Variants in CDK5RAP1 observed in about 807,000 individuals in gnomAD.
The protein encoded by CDK5RAP1 is mitochondrial tRNA methylthiotransferase CDK5RAP1.
CDK5RAP1 carries 62 observed loss-of-function variants against 64.5 expected under a neutral mutation model. The ratio of observed to expected loss-of-function variants is 0.96; its 90% CI spans 0.78 to 1.19. CDK5RAP1 has a LOEUF of 1.19. Ranked by LOEUF, CDK5RAP1 falls within the 50% of genes most tolerant of loss-of-function variation. The probability of loss-of-function intolerance (pLI) is 0.00; values close to 1 mark genes in which losing one functional copy is unlikely to be tolerated. For synonymous variants in CDK5RAP1, 250 were observed against 261.9 expected (o/e 0.95, Z 0.44); for missense variants, 657 against 735.0 (o/e 0.89, Z 1.23).
upstream of CDK5RAP1, chr20:33,401,568 A>G: frequency 1.0e-6 from 1 of 985,450 alleles, no homozygotes; most frequent in Non-Finnish European, 1.2e-6. Flanking sequence ...TGCTAACGGA[A>G]GTGCTTCCTT....
At chr20:33,391,177 C>A (rs1414449995) in intron 5 of CDK5RAP1, among the ~76,000 whole-genome samples, 5 of 150,126 alleles carry the variant, frequency 3.3e-5, no homozygotes, top group Admixed American at 1.3e-4. Flanking sequence ...TCATTTGAGC[C>A]CAGGAGTTGG....
In CDK5RAP1 at chr20:33,387,548, G is replaced by GA. The variant is rs1436501072; in HGVS notation, c.545-16dup. 1 of 1,605,878 alleles carries GA rather than the reference G, an allele frequency of 6.2e-7. No individual in the cohort carries two copies. Among genetic ancestry groups the GA allele is most frequent in the East Asian group, 2.2e-5 (1 of 44,844 alleles). ...AGCCATGCAGCCTGGAAGGGAAAAA[G>GA]AAACAAGCACCTTTCCCCAAATCCA... On this transcript the variant is annotated splice_polypyrimidine_tract_variant and intron_variant, in intron 5 of 13. Transcript: ENST00000346416.
intron 9 of CDK5RAP1, 51 bp from the exon 10 acceptor site, chr20:33,372,748 AT>A: frequency 8.6e-7 from 1 of 1,157,772 alleles, no homozygotes; most frequent in Non-Finnish European, 1.3e-6. Flanking sequence ...ACCTTTTTAA[AT>A]GAATGCTATA....
chr20:33,385,679 G>A lies in CDK5RAP1; in HGVS notation c.847C>T (p.Leu283=). The part of the protein sequence containing the change: ...RERSRPIASI[L]EEVKKLSEQG... ...TCAGAAAGCTTCTTCACTTCCTCTA[G>A]AATGGAGGCAATAGGCCGACTCCTC... The change falls in exon 7 of 14, where the codon CTA becomes TTA. Residue 283 remains leucine, a synonymous_variant. Coordinates refer to ENST00000346416, the MANE Select transcript of CDK5RAP1 (RefSeq NM_016408.4). 6.2e-7 allele frequency: 1 copy of A among 1,614,174 alleles called. No homozygotes were observed. The highest frequency in any genetic ancestry group is 2.2e-5 in the East Asian group (1 of 44,884).
In CDK5RAP1 at chr20:33,390,048, G is replaced by A. The variant is rs141275256; in HGVS notation, c.544+2094C>T. ...TCTCAGCACTTTGGGAGGCCAAGGA[G>A]GGTGGATCACTTGAGCCCAGGAGTT... On this transcript the variant is annotated intron_variant, in intron 5 of 13. Transcript: ENST00000346416. Among the ~76,000 whole-genome samples the A allele has an allele frequency of 2.8e-3, 425 of 151,632 alleles. 1 individual carries two copies. Among genetic ancestry groups the A allele is most frequent in the African/African-American group, 9.9e-3 (409 of 41,334 alleles).
At chr20:33,377,426 G>A (rs1986150991) in intron 8 of CDK5RAP1, among the ~76,000 whole-genome samples, 1 of 152,072 alleles carries the variant, frequency 6.6e-6, no homozygotes, top group South Asian at 2.1e-4. Flanking sequence ...TTAGAGAGAT[G>A]GCTTCTTTCC....
At chr20:33,379,332 G>A (rs1326992531) in intron 8 of CDK5RAP1, 129 bp downstream of exon 8, 1 of 647,248 alleles carries the variant, frequency 1.5e-6, no homozygotes, top group Non-Finnish European at 2.7e-6. Context: ...AGATCTGGAG[G>A]GTGATGCAGC....
At chr20:33,394,151 TTATTTTTTTTTC>T in intron 3 of CDK5RAP1, 85 bp from the exon 4 acceptor site, 1 of 968,468 alleles carries the variant, frequency 1.0e-6, no homozygotes. Context: ...CAGCTCTTTA[TTATTTTTTTTTC>T]CTTTTTTTTT....
At chr20:33,372,905 G>T in intron 9 of CDK5RAP1, 2 of 357,982 alleles carry the variant, frequency 5.6e-6, no homozygotes, top group Middle Eastern at 5.5e-4. Flanking sequence ...TTTATTTAAG[G>T]ACATAAACTT....
chr20:33,393,330 TACACCC>T (rs1988541413), intron 4 of CDK5RAP1, among the ~76,000 whole-genome samples: 2 of 152,228 alleles, frequency 1.3e-5, no homozygotes, highest in Middle Eastern at 6.8e-3. Context: ...TGTGACCTAC[TACACCC>T]AGCCTCATTG....
In CDK5RAP1 at chr20:33,387,504, TCTC is replaced by T. The variant is rs777421749; in HGVS notation, c.571_573del (p.Glu191del). The T allele has an allele frequency of 1.2e-6, 2 of 1,613,892 alleles. No homozygotes were observed. The highest frequency in any genetic ancestry group is 1.7e-5 in the Admixed American group (1 of 59,980). The stretch of plus-strand genomic sequence containing the variant: ...TCTACCATTTTCTCTCTGTTGAGAA[TCTC>T]CTCCTTCAACCTCTCAGCCATGCAG... On this transcript the variant is annotated inframe_deletion, in exon 6 of 14. Coordinates refer to ENST00000346416, the MANE Select transcript of CDK5RAP1 (RefSeq NM_016408.4).
intron 2 of CDK5RAP1, 95 bp downstream of exon 2, chr20:33,396,666 C>T: frequency 1.1e-6 from 1 of 940,916 alleles, no homozygotes; most frequent in Non-Finnish European, 1.7e-6. Context: ...ACACTGTTAA[C>T]CTTCCAAGCC....
intron 5 of CDK5RAP1, among the ~76,000 whole-genome samples, chr20:33,391,386 G>T (rs1988304011): frequency 6.6e-6 from 1 of 151,882 alleles, no homozygotes. Context: ...TGGAACTAAA[G>T]AAGTGAATTT....
At chr20:33,394,833 C>A (rs1373992962) in intron 3 of CDK5RAP1, among the ~76,000 whole-genome samples, 180 bp downstream of exon 3, 1 of 152,156 alleles carries the variant, frequency 6.6e-6, no homozygotes, top group Admixed American at 6.6e-5. Context: ...CGCACATCAC[C>A]ATAAAAGTTT....
intron 1 of CDK5RAP1, among the ~76,000 whole-genome samples, chr20:33,400,108 G>T (rs1468543555): frequency 6.6e-6 from 1 of 152,242 alleles, no homozygotes; most frequent in Non-Finnish European, 1.5e-5. Flanking sequence ...TCACAATAGG[G>T]TTTGTGTTCC....
At chr20:33,391,179 A>G (rs538076770) in intron 5 of CDK5RAP1, among the ~76,000 whole-genome samples, 31 of 149,660 alleles carry the variant, frequency 2.1e-4, no homozygotes, top group African/African-American at 7.6e-4. Flanking sequence ...ATTTGAGCCC[A>G]GGAGTTGGAG....
At chr20:33,386,407 T>G (rs1410698578) in intron 6 of CDK5RAP1, among the ~76,000 whole-genome samples, 1 of 152,158 alleles carries the variant, frequency 6.6e-6, no homozygotes, top group East Asian at 1.9e-4. Context: ...CTGAATATGT[T>G]TGTACCTACT....
At chr20:33,401,041 C>CA (rs1407593069) in intron 1 of CDK5RAP1, among the ~76,000 whole-genome samples, 3 of 152,222 alleles carry the variant, frequency 2.0e-5, no homozygotes, top group Non-Finnish European at 2.9e-5. Flanking sequence ...TGACAGTCGG[C>CA]AATGAGGCTG....
chr20:33,397,140 T>C (rs1413870618), intron 1 of CDK5RAP1, 56 bp from the exon 2 acceptor site: 1 of 1,323,094 alleles, frequency 7.6e-7, no homozygotes, highest in Non-Finnish European at 1.0e-6. Context: ...GACAGGACAC[T>C]GCTGTGAGCA....
Sources: gnomAD v4.1 joint callset for allele counts (sites outside exome capture counted in the v4.1 genomes callset) on GRCh38, gnomAD v4.1.1 for gene constraint, MANE v1.5 for transcripts, NCBI Gene and HGNC (gene_info 2026-07-23, HGNC 2026-07-21) for gene names.